The following MFHAS1 variants were observed in gnomAD, a reference collection of about 807,000 sequenced individuals.
MFHAS1 encodes malignant fibrous histiocytoma-amplified sequence 1.
A neutral mutation model predicts 70.4 loss-of-function variants in MFHAS1; 50 were observed. That is an observed-to-expected ratio of 0.71 (90% CI 0.57 to 0.90). The LOEUF (loss-of-function observed/expected upper bound fraction) is 0.90. Among genes scored for constraint, MFHAS1 ranks in the 40% least tolerant of loss-of-function variants. The pLI is 0.00. For synonymous variants in MFHAS1, 952 were observed against 620.0 expected (o/e 1.54, Z -7.96); for missense variants, 1,795 against 1,347.6 (o/e 1.33, Z -5.20).
chr8:8,846,871 A>G (rs1029352266), intron 1 of MFHAS1, among the ~76,000 whole-genome samples: 1 of 152,192 alleles, frequency 6.6e-6, no homozygotes, highest in Non-Finnish European at 1.5e-5. Context: ...TGTAAAACCC[A>G]TAAAAACAAT....
intron 1 of MFHAS1, among the ~76,000 whole-genome samples, chr8:8,805,263 CA>C (rs1419478719): frequency 6.6e-6 from 1 of 152,176 alleles, no homozygotes; most frequent in Non-Finnish European, 1.5e-5. Flanking sequence ...CCCAAGCAGT[CA>C]AAAATCCACG....
chr8:8,822,077 G>A (rs1489574401), intron 1 of MFHAS1: 10 of 152,352 alleles, frequency 6.6e-5, no homozygotes, highest in Admixed American at 1.3e-4. Flanking sequence ...GAGGCCTTGA[G>A]ACCCTGGCCA....
Position 8,884,961 on chromosome 8 carries a change from C to G in MFHAS1, c.2998+5100G>C, listed in dbSNP as rs394557. On this transcript the variant is annotated intron_variant, in intron 1 of 2. Coordinates refer to ENST00000276282, the MANE Select transcript of MFHAS1 (RefSeq NM_004225.3). ...GAGTGAGACCCTGCCCCCACCCCCCCAAAAAAAAAGTTATTTCTCACAAAA... is the reference window on the plus strand; with the variant it reads ...GAGTGAGACCCTGCCCCCACCCCCCGAAAAAAAAAGTTATTTCTCACAAAA... Among the ~76,000 whole-genome samples the G allele has an allele frequency of 7.5e-4, 113 of 150,780 alleles. 1 individual carries two copies. Among genetic ancestry groups the G allele is most frequent in the African/African-American group, 2.4e-3 (97 of 41,106 alleles).
At chr8:8,811,073 C>A (rs552533777) in intron 1 of MFHAS1, among the ~76,000 whole-genome samples, 3 of 152,152 alleles carry the variant, frequency 2.0e-5, no homozygotes, top group African/African-American at 7.2e-5. Context: ...AGAAACATCT[C>A]CCACAGCACT....
Position 8,892,635 on chromosome 8 carries a change from G to C in MFHAS1, c.424C>G (p.Leu142Val), listed in dbSNP as rs770561357. 10 of 1,603,262 alleles carry C rather than the reference G, an allele frequency of 6.2e-6. No homozygotes were observed. The highest frequency in any genetic ancestry group is 8.5e-6 in the Non-Finnish European group (10 of 1,175,804). ...SALRELRKLN[L>V]SHNQLPALPA... is the part of the protein sequence containing the mutation. Reference sequence around the variant, plus strand: ...AGGGCGGGCAGCTGGTTGTGGCTGAGGTTGAGCTTCCGCAGCTCCCTCAGA... The same window carrying C: ...AGGGCGGGCAGCTGGTTGTGGCTGACGTTGAGCTTCCGCAGCTCCCTCAGA... The change falls in exon 1 of 3, where the codon CTC (leucine) becomes GTC (valine). Residue 142 changes from leucine (L) to valine (V), a missense_variant. Transcript: ENST00000276282. The surrounding 1 kb of genome is among the most constrained non-coding windows in gnomAD (Gnocchi z 4.7).
chr8:8,848,635 T>G (rs1042663014), intron 1 of MFHAS1, among the ~76,000 whole-genome samples: 5 of 152,118 alleles, frequency 3.3e-5, no homozygotes, highest in African/African-American at 1.2e-4. Context: ...TTTTAAACAA[T>G]CAGATCTCGC....
chr8:8,790,395 T>A (rs1805681875), intron 2 of MFHAS1: 1 of 984,788 alleles, frequency 1.0e-6, no homozygotes, highest in Admixed American at 6.1e-5. Context: ...AAAGAAGCAC[T>A]ATCTTTTCCA....
At chr8:8,875,136 T>C (rs766657212) in intron 1 of MFHAS1, among the ~76,000 whole-genome samples, 5 of 152,230 alleles carry the variant, frequency 3.3e-5, no homozygotes, top group Non-Finnish European at 5.9e-5. Flanking sequence ...GACGTGCCCA[T>C]CCTCATGGGA....
At chr8:8,884,587 G>A (rs1399877068) in intron 1 of MFHAS1, among the ~76,000 whole-genome samples, 1 of 152,166 alleles carries the variant, frequency 6.6e-6, no homozygotes, top group Non-Finnish European at 1.5e-5. Flanking sequence ...TGAGGGGGAG[G>A]GAGTTGGGAA....
chr8:8,788,160 G>A (rs1363100965), intron 2 of MFHAS1, among the ~76,000 whole-genome samples: 1 of 152,224 alleles, frequency 6.6e-6, no homozygotes, highest in Non-Finnish European at 1.5e-5. Flanking sequence ...AAGTTTGCCT[G>A]GTTATGGCTT....
At chr8:8,883,442 T>C (rs1451475390) in intron 1 of MFHAS1, among the ~76,000 whole-genome samples, 1 of 152,014 alleles carries the variant, frequency 6.6e-6, no homozygotes, top group African/African-American at 2.4e-5. Context: ...GCGCAGTGGC[T>C]CATGCCTGTA....
intron 1 of MFHAS1, among the ~76,000 whole-genome samples, chr8:8,879,746 C>T (rs140196780): frequency 6.6e-6 from 1 of 152,194 alleles, no homozygotes; most frequent in Non-Finnish European, 1.5e-5. Context: ...GATCCCAACA[C>T]AGCTCCCCAA....
chr8:8,827,713 A>C (rs888538225), intron 1 of MFHAS1, among the ~76,000 whole-genome samples: 4 of 152,166 alleles, frequency 2.6e-5, no homozygotes, highest in African/African-American at 7.2e-5. Flanking sequence ...CAGAACTTTA[A>C]ATTTTCCTCA....
chr8:8,856,196 T>A (rs1032062179), intron 1 of MFHAS1, among the ~76,000 whole-genome samples: 1 of 152,148 alleles, frequency 6.6e-6, no homozygotes, highest in African/African-American at 2.4e-5. Flanking sequence ...CCCTAGATCT[T>A]TTTGCTCCAG....
intron 1 of MFHAS1, among the ~76,000 whole-genome samples, chr8:8,799,195 C>A (rs1489101379): frequency 6.6e-6 from 1 of 152,008 alleles, no homozygotes. Context: ...TATGTTTTTG[C>A]CTATAAGTAG....
At chr8:8,787,442 A>G (rs910797795) in intron 2 of MFHAS1, among the ~76,000 whole-genome samples, 1 of 152,176 alleles carries the variant, frequency 6.6e-6, no homozygotes, top group African/African-American at 2.4e-5. Flanking sequence ...CCAAGGGTGC[A>G]TACTAGCGAG....
intron 2 of MFHAS1, 35 bp downstream of exon 2, chr8:8,797,330 C>T (rs1197031252): frequency 6.2e-7 from 1 of 1,609,806 alleles, no homozygotes; most frequent in Non-Finnish European, 8.5e-7. Flanking sequence ...GATCAGGAGC[C>T]AGGTCCCGGG....
chr8:8,831,616 A>T (rs1161758527), intron 1 of MFHAS1, among the ~76,000 whole-genome samples: 2 of 142,790 alleles, frequency 1.4e-5, no homozygotes, highest in East Asian at 2.0e-4. Context: ...TAAATGGTCA[A>T]TTTTTTTTTT....
At chr8:8,811,263 C>G (rs868198811) in intron 1 of MFHAS1, among the ~76,000 whole-genome samples, 1 of 152,064 alleles carries the variant, frequency 6.6e-6, no homozygotes, top group Non-Finnish European at 1.5e-5. Context: ...CCCAGCACTG[C>G]CAAGCCTCTT....
Sources: allele counts gnomAD v4.1 joint callset (sites outside exome capture counted in the v4.1 genomes callset), GRCh38; gene constraint gnomAD v4.1.1; non-coding constraint Gnocchi (gnomAD v3.1); transcripts MANE v1.5; gene names NCBI Gene and HGNC (gene_info 2026-07-23, HGNC 2026-07-21).